The following PCGF3 variants were observed in gnomAD, a reference collection of about 807,000 sequenced individuals.
PCGF3 encodes the protein polycomb group RING finger protein 3.
In PCGF3, 7 loss-of-function variants were observed where a neutral mutation model predicts 33.1. The ratio of observed to expected loss-of-function variants is 0.21; its 90% CI spans 0.12 to 0.40. The LOEUF is 0.40. PCGF3 is among the 10% of genes least tolerant of loss of function. The pLI, the probability that PCGF3 is intolerant of heterozygous loss-of-function variation, is 1.00. For missense variants in PCGF3, 211 were observed against 313.3 expected, an observed-to-expected ratio of 0.67 and a Z score of 2.46; for synonymous variants, 153 against 121.3, an observed-to-expected ratio of 1.26 and a Z score of -1.72.
At chr4:766,172 G>C (rs1560222821) in exon 11 of PCGF3, 2 of 983,484 alleles carry the variant, frequency 2.0e-6, no homozygotes, top group African/African-American at 1.6e-5. Context: ...GTGTCATGTG[G>C]ACCAGACTTC....
At chr4:763,728 C>G (rs1346364867) in intron 9 of PCGF3, among the ~76,000 whole-genome samples, 1 of 151,974 alleles carries the variant, frequency 6.6e-6, no homozygotes, top group Non-Finnish European at 1.5e-5. Context: ...CACTGGAAAT[C>G]TCCTGCCCAC....
intron 1 of PCGF3, among the ~76,000 whole-genome samples, chr4:726,397 G>A (rs993656987): frequency 2.6e-5 from 4 of 152,212 alleles, no homozygotes; most frequent in Non-Finnish European, 5.9e-5. Context: ...CAGCAAACCC[G>A]CTCACACAGC....
intron 4 of PCGF3, chr4:734,450 G>T: frequency 7.9e-7 from 1 of 1,267,108 alleles, no homozygotes; most frequent in Non-Finnish European, 1.0e-6. Context: ...TCTCACTTTA[G>T]GAAATAAAAT....
Position 715,211 on chromosome 4 carries a change from T to C in PCGF3, c.-190+9241T>C, listed in dbSNP as rs796646387. Among the ~76,000 whole-genome samples the C allele has an allele frequency of 3.0e-3, 215 of 72,812 alleles. 13 individuals carry two copies. Among genetic ancestry groups the C allele is most frequent in the Middle Eastern group, 8.9e-3 (1 of 112 alleles). 47.8% of individuals were successfully genotyped at this position (72,812 alleles called of 152,430 possible). A position where few individuals can be genotyped will look rare whatever the true frequency, so the allele number is the denominator to read the frequency against. On this transcript the variant is annotated intron_variant, in intron 1 of 10. Transcript: ENST00000362003. ...AGACACTGCGAGTGTGAGAACTGGG[T>C]GTTGGTGCTGGGACCCTGTAGACAC... is the stretch of plus-strand genomic sequence containing the variant.
chr4:761,588 G>A, intron 9 of PCGF3, 172 bp downstream of exon 9: 1 of 926,468 alleles, frequency 1.1e-6, no homozygotes, highest in Non-Finnish European at 1.3e-6. Flanking sequence ...ACAGCCCTAA[G>A]GGTTGTAGGA....
intron 8 of PCGF3, chr4:757,494 T>G (rs56148616): frequency 1.3e-5 from 2 of 152,198 alleles, no homozygotes; most frequent in African/African-American, 4.8e-5. Context: ...GCTCTATTTC[T>G]TAAAGTCCCA....
intron 8 of PCGF3, among the ~76,000 whole-genome samples, chr4:744,930 G>C (rs75170874): frequency 0.01 from 113 of 10,838 alleles, 2 homozygotes; most frequent in Middle Eastern, 0.065. Flanking sequence ...GGCGGGGCCC[G>C]GGGGTCGCTG....
At chr4:766,099 A>G in exon 11 of PCGF3, 1 of 1,612,538 alleles carries the variant, frequency 6.2e-7, no homozygotes, top group Non-Finnish European at 8.5e-7. Context: ...CACAGCGCCC[A>G]CAGACTGGGC....
At chr4:748,740 G>A (rs1744381685) in intron 8 of PCGF3, among the ~76,000 whole-genome samples, 1 of 152,166 alleles carries the variant, frequency 6.6e-6, no homozygotes, top group South Asian at 2.1e-4. Context: ...TTCCTCTGTT[G>A]GTGGCTTGGC....
chr4:766,015 G>T lies in PCGF3; in HGVS notation c.682-17G>T. On this transcript the variant is annotated splice_polypyrimidine_tract_variant and intron_variant, in intron 10 of 10. Transcript: ENST00000362003. ...CACCCCTGCTAAGCAGGCACTGTGC[G>T]TTCTTGTGTCTTCCAGAAGGCGCCG... The T allele has an allele frequency of 1.2e-6, 2 of 1,613,420 alleles. No individual in the cohort carries two copies. The highest frequency in any genetic ancestry group is 1.1e-5 in the South Asian group (1 of 91,072).
intron 4 of PCGF3, chr4:734,628 T>C (rs972054737): frequency 7.9e-5 from 98 of 1,240,904 alleles, no homozygotes; most frequent in Non-Finnish European, 9.7e-5. Flanking sequence ...TAGCCCATGT[T>C]CTGATGACCC....
chr4:732,746 G>C (rs1743653825), intron 3 of PCGF3, among the ~76,000 whole-genome samples: 1 of 152,228 alleles, frequency 6.6e-6, no homozygotes, highest in African/African-American at 2.4e-5. Context: ...CGTCCCCACT[G>C]AGGGAAACTC....
At chr4:724,467 G>T (rs757302024) in intron 1 of PCGF3, among the ~76,000 whole-genome samples, 54 of 152,248 alleles carry the variant, frequency 3.5e-4, no homozygotes, top group Non-Finnish European at 7.5e-4. Context: ...GGGTGGGGTG[G>T]CAGCTGCCAG....
intron 1 of PCGF3, among the ~76,000 whole-genome samples, chr4:712,990 GGGCCTCATGGGGGCTGTAT>G (rs1010736968): frequency 6.6e-6 from 1 of 150,788 alleles, no homozygotes; most frequent in Non-Finnish European, 1.5e-5. Flanking sequence ...TGGGAGCTGT[GGGCCTCATGGGGGCTGTAT>G]GGCCTTGTTG....
chr4:708,015 C>T (rs56343668), intron 1 of PCGF3, among the ~76,000 whole-genome samples: 3 of 88,892 alleles, frequency 3.4e-5, no homozygotes, highest in Non-Finnish European at 7.9e-5. Flanking sequence ...CCCTGTTTTC[C>T]CCTGGGGGCC....
chr4:712,587 C>T (rs1742619912), intron 1 of PCGF3, among the ~76,000 whole-genome samples: 1 of 152,222 alleles, frequency 6.6e-6, no homozygotes, highest in African/African-American at 2.4e-5. Context: ...GCTGGGATTA[C>T]AGGCGCCTGC....
At chr4:763,657 T>C (rs1560220783) in intron 9 of PCGF3, among the ~76,000 whole-genome samples, 1 of 152,206 alleles carries the variant, frequency 6.6e-6, no homozygotes, top group East Asian at 1.9e-4. Context: ...GCTTGGCAGC[T>C]GCTGACAACA....
At chr4:755,073 T>C (rs896500418) in intron 8 of PCGF3, among the ~76,000 whole-genome samples, 1 of 152,340 alleles carries the variant, frequency 6.6e-6, no homozygotes, top group Admixed American at 6.5e-5. Context: ...GAGTTGCATT[T>C]CGAGGTGTGT....
chr4:758,101 G>C (rs1424160331), intron 8 of PCGF3, among the ~76,000 whole-genome samples: 1 of 150,144 alleles, frequency 6.7e-6, no homozygotes, highest in Non-Finnish European at 1.5e-5. Flanking sequence ...CCAGGAGGCG[G>C]AGGTTGCAGT....
Sources: allele counts gnomAD v4.1 joint callset (sites outside exome capture counted in the v4.1 genomes callset), GRCh38; gene constraint gnomAD v4.1.1; transcripts MANE v1.5; gene names NCBI Gene and HGNC (gene_info 2026-07-23, HGNC 2026-07-21).